The following ELOVL6 variants were observed in gnomAD, a reference collection of about 807,000 sequenced individuals.
ELOVL6 encodes the protein very long chain fatty acid elongase 6.
In ELOVL6, 8 loss-of-function variants were observed where a neutral mutation model predicts 31.7. The ratio of observed to expected loss-of-function variants is 0.25; its 90% CI spans 0.15 to 0.45. The LOEUF is 0.45. Among genes scored for constraint, ELOVL6 ranks in the 20% least tolerant of loss-of-function variants. ELOVL6 has a pLI of 1.00. For missense variants in ELOVL6, 126 were observed against 326.4 expected, an observed-to-expected ratio of 0.39 and a Z score of 4.73; for synonymous variants, 101 against 117.7, an observed-to-expected ratio of 0.86 and a Z score of 0.92.
At chr4:110,065,557 G>A (rs1286728286) in intron 2 of ELOVL6, among the ~76,000 whole-genome samples, 3 of 152,260 alleles carry the variant, frequency 2.0e-5, no homozygotes, top group African/African-American at 7.2e-5. Flanking sequence ...GCAGGATGTC[G>A]AGCCTGCAAT....
At chr4:110,198,619 C>A, upstream of ELOVL6, 1 of 361,132 alleles carries the variant, frequency 2.8e-6, no homozygotes, top group Non-Finnish European at 5.0e-6. Context: ...TCTTAGTGCC[C>A]GCACGTTTGT....
intron 2 of ELOVL6, among the ~76,000 whole-genome samples, chr4:110,072,798 A>G (rs1018967009): frequency 2.6e-5 from 4 of 152,146 alleles, no homozygotes; most frequent in African/African-American, 4.8e-5. Flanking sequence ...GGGTCCTCTC[A>G]TCTCCATTTC....
chr4:110,061,333 T>C (rs931232217), intron 2 of ELOVL6, among the ~76,000 whole-genome samples: 1 of 152,138 alleles, frequency 6.6e-6, no homozygotes, highest in Non-Finnish European at 1.5e-5. Context: ...CCTCAGGACC[T>C]TTGCATTTCT....
At chr4:110,113,568 C>A (rs1367636796) in intron 1 of ELOVL6, among the ~76,000 whole-genome samples, 1 of 152,146 alleles carries the variant, frequency 6.6e-6, no homozygotes, top group Non-Finnish European at 1.5e-5. Context: ...CAGAGTGAGA[C>A]CCTGTCTTTA....
intron 1 of ELOVL6, among the ~76,000 whole-genome samples, chr4:110,132,136 T>A (rs1490661854): frequency 6.6e-6 from 1 of 152,080 alleles, no homozygotes; most frequent in African/African-American, 2.4e-5. Context: ...TGGGGCTAGT[T>A]TGAACTTTAT....
chr4:110,127,519 T>A (rs1050369404), intron 1 of ELOVL6, among the ~76,000 whole-genome samples: 1 of 152,072 alleles, frequency 6.6e-6, no homozygotes, highest in Non-Finnish European at 1.5e-5. Flanking sequence ...TCCTTATCCT[T>A]TTTTAAATGT....
At chr4:110,164,718 G>T (rs1346507631) in intron 1 of ELOVL6, among the ~76,000 whole-genome samples, 1 of 145,278 alleles carries the variant, frequency 6.9e-6, no homozygotes, top group East Asian at 2.0e-4. Flanking sequence ...TCCAGCCTGG[G>T]TGAAAGTGGG....
At chr4:110,086,842 A>G (rs1217973233) in intron 2 of ELOVL6, among the ~76,000 whole-genome samples, 1 of 152,176 alleles carries the variant, frequency 6.6e-6, no homozygotes, top group African/African-American at 2.4e-5. Flanking sequence ...CCTATGCGAC[A>G]TTTATTCCTA....
At position 110,055,375 on chromosome 4, in the gene ELOVL6, T is replaced by C. The variant is rs576314224; in HGVS notation, c.374-3613A>G. Reference sequence around the variant, plus strand: ...TCCTGTTGGCATAACGGGAAGGACATTGGCCAAGTACAAGCAATGGGACTT... The same window carrying C: ...TCCTGTTGGCATAACGGGAAGGACACTGGCCAAGTACAAGCAATGGGACTT... On this transcript the variant is annotated intron_variant, in intron 3 of 3. Transcript: ENST00000302274. Among the ~76,000 whole-genome samples, 58 of 152,302 alleles carry C rather than the reference T, an allele frequency of 3.8e-4. 1 individual carries two copies. The highest frequency in any genetic ancestry group is 1.1e-3 in the African/African-American group (47 of 41,576).
intron 2 of ELOVL6, among the ~76,000 whole-genome samples, chr4:110,062,460 T>C (rs930845319): frequency 1.3e-5 from 2 of 152,192 alleles, no homozygotes; most frequent in Non-Finnish European, 2.9e-5. Context: ...ATAATTGTTA[T>C]TTGTGGGGAG....
intron 1 of ELOVL6, among the ~76,000 whole-genome samples, chr4:110,108,419 A>C (rs907039397): frequency 6.6e-6 from 1 of 152,150 alleles, no homozygotes; most frequent in Non-Finnish European, 1.5e-5. Flanking sequence ...TTTTTTCTCC[A>C]ATTTCCTAAC....
chr4:110,151,134 A>G (rs1208188320), intron 1 of ELOVL6, among the ~76,000 whole-genome samples: 1 of 152,000 alleles, frequency 6.6e-6, no homozygotes, highest in Non-Finnish European at 1.5e-5. Context: ...CTACATGACT[A>G]AAGATTTCAA....
intron 1 of ELOVL6, among the ~76,000 whole-genome samples, chr4:110,109,374 A>T (rs1044355224): frequency 1.3e-5 from 2 of 152,336 alleles, no homozygotes; most frequent in Admixed American, 6.5e-5. Context: ...CCAACCAAAT[A>T]AAGACAACCC....
intron 2 of ELOVL6, among the ~76,000 whole-genome samples, chr4:110,067,326 C>G (rs1318206419): frequency 6.6e-6 from 1 of 152,130 alleles, no homozygotes; most frequent in South Asian, 2.1e-4. Flanking sequence ...AAACCTGAGG[C>G]AAAAATTACA....
chr4:110,125,277 C>T (rs1332918602), intron 1 of ELOVL6, among the ~76,000 whole-genome samples: 4 of 151,956 alleles, frequency 2.6e-5, no homozygotes, highest in Non-Finnish European at 4.4e-5. Context: ...TTTAGGAAAC[C>T]ATCATTAAGT....
intron 3 of ELOVL6, among the ~76,000 whole-genome samples, chr4:110,056,190 T>C (rs1578442251): frequency 6.6e-6 from 1 of 152,048 alleles, no homozygotes; most frequent in South Asian, 2.1e-4. Context: ...ATCTTTTCCT[T>C]TTGGTGCTCA....
intron 1 of ELOVL6, among the ~76,000 whole-genome samples, chr4:110,171,496 C>T (rs7666401): frequency 0.44 from 66,213 of 151,404 alleles, 15,783 homozygotes; most frequent in East Asian, 0.62. Context: ...GCATGGTTGT[C>T]AATCATACCT....
intron 1 of ELOVL6, among the ~76,000 whole-genome samples, chr4:110,139,325 G>A (rs1244787485): frequency 6.6e-6 from 1 of 152,060 alleles, no homozygotes; most frequent in East Asian, 1.9e-4. Context: ...TCCCCTTGGG[G>A]CTCCAGTCTG....
intron 1 of ELOVL6, among the ~76,000 whole-genome samples, chr4:110,184,349 T>G (rs1233982732): frequency 6.6e-6 from 1 of 152,086 alleles, no homozygotes; most frequent in Admixed American, 6.5e-5. Flanking sequence ...TCAGAGAAAA[T>G]ATTTATCTAT....
Sources: allele counts gnomAD v4.1 joint callset (sites outside exome capture counted in the v4.1 genomes callset), GRCh38; gene constraint gnomAD v4.1.1; transcripts MANE v1.5; gene names NCBI Gene and HGNC (gene_info 2026-07-23, HGNC 2026-07-21).